Variants in GDPD4 observed in about 807,000 individuals in gnomAD.
The protein encoded by GDPD4 is glycerophosphodiester phosphodiesterase 6.
A neutral mutation model predicts 67.8 loss-of-function variants in GDPD4; 60 were observed. The ratio of observed to expected loss-of-function variants is 0.88; its 90% CI spans 0.72 to 1.10. GDPD4 has a LOEUF of 1.10. Ranked by LOEUF, GDPD4 falls within the 50% of genes least tolerant of loss-of-function variation. The probability of loss-of-function intolerance (pLI) is 0.00; values close to 1 mark genes in which losing one functional copy is unlikely to be tolerated. For missense variants in GDPD4, 623 were observed against 613.9 expected (o/e 1.01, Z -0.16); for synonymous variants, 212 against 210.9 (o/e 1.00, Z -0.04).
At chr11:77,230,189 T>C (rs1958426813) in intron 14 of GDPD4, among the ~76,000 whole-genome samples, 1 of 151,934 alleles carries the variant, frequency 6.6e-6, no homozygotes, top group African/African-American at 2.4e-5. Context: ...CTGGGAAAAA[T>C]ATTGACTGAG....
At chr11:77,276,266 G>A (rs1959463829) in intron 4 of GDPD4, 46 bp from the exon 5 acceptor site, 1 of 1,479,534 alleles carries the variant, frequency 6.8e-7, no homozygotes, top group Admixed American at 1.7e-5. Context: ...AAATCACCAA[G>A]TTGCCACCCA....
At chr11:77,252,547 T>C (rs1411343456) in intron 11 of GDPD4, among the ~76,000 whole-genome samples, 1 of 152,228 alleles carries the variant, frequency 6.6e-6, no homozygotes, top group Non-Finnish European at 1.5e-5. Context: ...ACTAGAGTTA[T>C]TATGTTCCTT....
intron 1 of GDPD4, among the ~76,000 whole-genome samples, chr11:77,298,669 T>C (rs966240203): frequency 6.6e-6 from 1 of 152,160 alleles, no homozygotes; most frequent in Non-Finnish European, 1.5e-5. Flanking sequence ...ATGTTTCCTA[T>C]TCAGATCTTA....
intron 5 of GDPD4, 57 bp downstream of exon 5, chr11:77,276,104 C>T: frequency 8.0e-7 from 1 of 1,250,690 alleles, no homozygotes; most frequent in Non-Finnish European, 1.2e-6. Flanking sequence ...CATGTTCAGG[C>T]CTGGTCTAAG....
At chr11:77,265,161 T>G (rs1959172568) in intron 10 of GDPD4, among the ~76,000 whole-genome samples, 1 of 152,144 alleles carries the variant, frequency 6.6e-6, no homozygotes, top group Non-Finnish European at 1.5e-5. Flanking sequence ...TTCAAATTTT[T>G]GTGGGACTCC....
rs754968887 is a variant in GDPD4, at chr11:77,279,411, T to C, written c.54-12A>G. On this transcript the variant is annotated splice_polypyrimidine_tract_variant and intron_variant, in intron 3 of 16. Coordinates refer to ENST00000315938, the MANE Select transcript of GDPD4 (RefSeq NM_182833.3). ...CTAGAAAAGTGACCCTGAAAAAAAA[T>C]GTGTTTCAGTTCTTAAAATAATGCA... 22 of 1,518,788 alleles carry C rather than the reference T, an allele frequency of 1.4e-5. No individual in the cohort carries two copies. Among genetic ancestry groups the C allele is most frequent in the Non-Finnish European group, 1.8e-5 (20 of 1,093,978 alleles). The allele number at this position is 1,518,788 out of a possible 1,614,324, so 94.1% of individuals were successfully genotyped here.
At chr11:77,243,924 G>A (rs2135843517) in intron 12 of GDPD4, 76 bp from the exon 13 acceptor site, 1 of 982,104 alleles carries the variant, frequency 1.0e-6, no homozygotes, top group East Asian at 2.4e-5. Context: ...AGAATGGAGG[G>A]AGCTCCATTC....
intron 11 of GDPD4, among the ~76,000 whole-genome samples, chr11:77,246,031 G>A (rs1476448499): frequency 6.6e-6 from 1 of 152,170 alleles, no homozygotes; most frequent in Non-Finnish European, 1.5e-5. Flanking sequence ...CTGTGATCAT[G>A]CCTTTAATCC....
intron 3 of GDPD4, among the ~76,000 whole-genome samples, chr11:77,282,861 C>T (rs943059372): frequency 6.6e-6 from 1 of 151,918 alleles, no homozygotes; most frequent in African/African-American, 2.4e-5. Context: ...AGAAACCCAA[C>T]CATATGCTAT....
At chr11:77,295,677 CAT>C (rs1283269622) in intron 1 of GDPD4, among the ~76,000 whole-genome samples, 1 of 152,098 alleles carries the variant, frequency 6.6e-6, no homozygotes, top group Admixed American at 6.5e-5. Context: ...CAGAAGAAAA[CAT>C]AGACGAAATC....
chr11:77,299,788 C>A (rs1413509404), intron 1 of GDPD4, among the ~76,000 whole-genome samples: 1 of 152,154 alleles, frequency 6.6e-6, no homozygotes. Flanking sequence ...CAGGTCACCT[C>A]ATGGTGGTTG....
chr11:77,262,811 A>G (rs1419454967), intron 10 of GDPD4, among the ~76,000 whole-genome samples: 1 of 118,960 alleles, frequency 8.4e-6, no homozygotes, highest in Non-Finnish European at 1.6e-5. Context: ...GTTTCCTCCT[A>G]TTTCCTCATT....
intron 1 of GDPD4, among the ~76,000 whole-genome samples, chr11:77,296,670 T>C (rs1248518098): frequency 1.3e-5 from 2 of 151,868 alleles, no homozygotes; most frequent in East Asian, 3.9e-4. Flanking sequence ...CTGGAGGAAA[T>C]TGGTAGAAAT....
chr11:77,273,253 A>G (rs1238549642), intron 5 of GDPD4, among the ~76,000 whole-genome samples: 1 of 152,092 alleles, frequency 6.6e-6, no homozygotes, highest in Non-Finnish European at 1.5e-5. Flanking sequence ...TTTCTTCCTA[A>G]ATTTATTCTG....
intron 13 of GDPD4, among the ~76,000 whole-genome samples, chr11:77,235,009 G>GTTTTTTTTTTTTTTTTTTGTTTTTTTTTT (rs1958525598): frequency 1.9e-5 from 1 of 52,254 alleles, no homozygotes; most frequent in Non-Finnish European, 3.7e-5. Context: ...GTCAATATCT[G>GTTTTTTTTTTTTTTTTTTGTTTTTTTTTT]TTTTTTTTTT....
In GDPD4 at chr11:77,216,885, CAT is replaced by C. The variant is rs1415858483; in HGVS notation, c.*390_*391del. 5.9e-6 allele frequency: 4 copies of C among 679,834 alleles called. No individual in the cohort carries two copies. Among genetic ancestry groups the C allele is most frequent in the Non-Finnish European group, 1.1e-5 (4 of 374,610 alleles). The allele number at this position is 679,834 out of a possible 1,614,324, so 42.1% of individuals were successfully genotyped here. A position where few individuals can be genotyped will look rare whatever the true frequency, so the allele number is the denominator to read the frequency against. On this transcript the variant is annotated 3_prime_UTR_variant, in exon 17 of 17. Coordinates refer to ENST00000315938, the MANE Select transcript of GDPD4 (RefSeq NM_182833.3). ...TCAGATGCAATGGAATATATTGTGA[CAT>C]AGGATTATTTGGAGTATTCAGCCAT...
chr11:77,287,494 A>C (rs989298986), intron 1 of GDPD4, 74 bp from the exon 2 acceptor site: 1 of 152,206 alleles, frequency 6.6e-6, no homozygotes, highest in African/African-American at 2.4e-5. Flanking sequence ...ATTCTACAGA[A>C]AATTTTATCA....
Position 77,258,448 on chromosome 11 carries a change from C to G in GDPD4, c.802G>C (p.Ala268Pro). 6.2e-7 allele frequency: 1 copy of G among 1,614,106 alleles called. No individual in the cohort carries two copies. The highest frequency in any genetic ancestry group is 8.5e-7 in the Non-Finnish European group (1 of 1,179,990). ...VQPESACENP[A>P]FFNWDFLSTL... Reference sequence around the variant, plus strand: ...GATAGGAAATCCCAGTTGAAGAAGGCAGGGTTCTCGCAGGCAGATTCTGGC... The same window carrying G: ...GATAGGAAATCCCAGTTGAAGAAGGGAGGGTTCTCGCAGGCAGATTCTGGC... Residue 268 changes from alanine (A) to proline (P), a missense_variant, in exon 11 of 17, where the codon GCC (alanine) becomes CCC (proline). Transcript: ENST00000315938.
intron 5 of GDPD4, among the ~76,000 whole-genome samples, chr11:77,275,387 T>C (rs1325150981): frequency 2.0e-5 from 3 of 152,116 alleles, no homozygotes; most frequent in African/African-American, 4.8e-5. Context: ...AAAGAAATCA[T>C]GCTGGTGTTA....
Sources: allele counts gnomAD v4.1 joint callset (sites outside exome capture counted in the v4.1 genomes callset), GRCh38; gene constraint gnomAD v4.1.1; transcripts MANE v1.5; gene names NCBI Gene and HGNC (gene_info 2026-07-23, HGNC 2026-07-21).